The following SATB2 variants were observed in gnomAD, a reference collection of about 807,000 sequenced individuals.
SATB2 encodes the protein SATB homeobox 2.
Under a neutral mutation model 73.4 loss-of-function variants are expected in SATB2, and 1 was observed. That is an observed-to-expected ratio of 0.01 (90% confidence interval 0.00 to 0.06). The LOEUF (loss-of-function observed/expected upper bound fraction) is 0.06. Ranked by LOEUF, SATB2 falls within the 10% of genes least tolerant of loss-of-function variation. The probability of loss-of-function intolerance (pLI) is 1.00; values close to 1 mark genes in which losing one functional copy is unlikely to be tolerated. For synonymous variants in SATB2, 397 were observed against 367.0 expected (o/e 1.08, Z -0.93); for missense variants, 459 against 945.8 (o/e 0.49, Z 6.75).
chr2:199,342,426 T>C (rs1383221989), intron 7 of SATB2, among the ~76,000 whole-genome samples: 4 of 122,394 alleles, frequency 3.3e-5, no homozygotes, highest in Non-Finnish European at 5.3e-5. Context: ...AAAGACTAGC[T>C]AAAAAAAAAA....
At chr2:199,430,861 C>A (rs749719132) in intron 3 of SATB2, among the ~76,000 whole-genome samples, 10 of 152,180 alleles carry the variant, frequency 6.6e-5, no homozygotes, top group Non-Finnish European at 1.0e-4. Flanking sequence ...ACTCTTCCAA[C>A]TCAATTACTG....
At chr2:199,310,550 G>T (rs1687569212) in intron 9 of SATB2, among the ~76,000 whole-genome samples, 1 of 152,000 alleles carries the variant, frequency 6.6e-6, no homozygotes, top group Non-Finnish European at 1.5e-5. Flanking sequence ...TTCCTCAAGG[G>T]TTTCTTTGCA....
intron 10 of SATB2, among the ~76,000 whole-genome samples, chr2:199,291,685 G>A (rs906291134): frequency 6.6e-6 from 1 of 152,082 alleles, no homozygotes; most frequent in African/African-American, 2.4e-5. Context: ...GGCCGAGGCG[G>A]GTGGATCACC....
At chr2:199,327,189 C>T (rs941965511) in intron 8 of SATB2, among the ~76,000 whole-genome samples, 14 of 152,118 alleles carry the variant, frequency 9.2e-5, no homozygotes, top group African/African-American at 3.4e-4. Flanking sequence ...CCTGTAATCC[C>T]AGCACTTTGC....
At chr2:199,416,108 G>A (rs755928791) in intron 3 of SATB2, among the ~76,000 whole-genome samples, 4 of 152,124 alleles carry the variant, frequency 2.6e-5, no homozygotes, top group East Asian at 3.8e-4. Flanking sequence ...ACATTATTTC[G>A]CACAAGGACT....
At chr2:199,368,785 T>A in intron 5 of SATB2, 78 bp from the exon 6 acceptor site, 1 of 760,508 alleles carries the variant, frequency 1.3e-6, no homozygotes, top group Non-Finnish European at 2.2e-6. Context: ...CTTTATAACC[T>A]GCACTAACCT....
chr2:199,399,152 G>A (rs1363299956), intron 3 of SATB2, among the ~76,000 whole-genome samples: 1 of 152,144 alleles, frequency 6.6e-6, no homozygotes, highest in Non-Finnish European at 1.5e-5. Flanking sequence ...TGTACCTATA[G>A]TCCCATCTAC....
intron 10 of SATB2, among the ~76,000 whole-genome samples, chr2:199,276,112 G>A (rs1032636436): frequency 2.0e-5 from 3 of 152,140 alleles, no homozygotes; most frequent in Non-Finnish European, 2.9e-5. Flanking sequence ...ATACCATGTA[G>A]TACTTTATTC....
At chr2:199,319,198 C>T (rs1228214632) in intron 9 of SATB2, among the ~76,000 whole-genome samples, 1 of 152,144 alleles carries the variant, frequency 6.6e-6, no homozygotes, top group Non-Finnish European at 1.5e-5. Context: ...AATGGGATCA[C>T]AATTATGCCT....
At chr2:199,350,988 C>G (rs1230567853) in intron 6 of SATB2, among the ~76,000 whole-genome samples, 2 of 149,784 alleles carry the variant, frequency 1.3e-5, no homozygotes, top group African/African-American at 4.9e-5. Flanking sequence ...AGAAATCACA[C>G]CACTGCACTC....
chr2:199,381,676 A>G lies in SATB2; in HGVS notation c.473+18T>C. On this transcript the variant is annotated intron_variant, in intron 4 of 10. Coordinates refer to ENST00000417098, the MANE Select transcript of SATB2 (RefSeq NM_001172509.2). ...CAGCTCTGACAGTAAGGAAAAGCAG[A>G]TGTTCAGAAACACCCACCTTTGTAA... 1 of 1,613,912 alleles carries G rather than the reference A, an allele frequency of 6.2e-7. No homozygotes were observed. The highest frequency in any genetic ancestry group is 8.5e-7 in the Non-Finnish European group (1 of 1,179,832).
chr2:199,384,019 C>T (rs971427479), intron 3 of SATB2, among the ~76,000 whole-genome samples: 3 of 152,248 alleles, frequency 2.0e-5, no homozygotes, highest in Non-Finnish European at 4.4e-5. Context: ...AATATGCATA[C>T]ATTTTTGTAT....
intron 9 of SATB2, among the ~76,000 whole-genome samples, chr2:199,318,180 G>A (rs574786223): frequency 2.6e-5 from 4 of 152,030 alleles, no homozygotes; most frequent in South Asian, 4.1e-4. Context: ...CTTTTACACA[G>A]GGTATCTTAT....
At chr2:199,318,327 G>A (rs1687791401) in intron 9 of SATB2, among the ~76,000 whole-genome samples, 1 of 151,984 alleles carries the variant, frequency 6.6e-6, no homozygotes, top group Admixed American at 6.6e-5. Flanking sequence ...CAACATTAAA[G>A]CACTTTTTGT....
chr2:199,354,808 A>G (rs1314637919), intron 6 of SATB2, among the ~76,000 whole-genome samples: 1 of 152,136 alleles, frequency 6.6e-6, no homozygotes, highest in East Asian at 1.9e-4. Context: ...CTGGGATTCC[A>G]TTTAACTCTA....
rs1688104080 is a variant in SATB2, at chr2:199,328,791, G to A, written c.1293C>T (p.Arg431=). Residue 431 remains arginine (R), a synonymous_variant, in exon 8 of 11, where the codon CGC becomes CGT. Coordinates refer to ENST00000417098, the MANE Select transcript of SATB2 (RefSeq NM_001172509.2). ...TCCGCTCCCTCTCATCCTGGTAGAT[G>A]CGATCTCGCTCCACTTCTGGCAGAT... The part of the protein sequence containing the change: ...FLNLPEVERD[R]IYQDERERSM... 6.2e-7 allele frequency: 1 copy of A among 1,614,030 alleles called. No homozygotes were observed. The highest frequency in any genetic ancestry group is 8.5e-7 in the Non-Finnish European group (1 of 1,179,954).
At chr2:199,408,174 C>A (rs1353245131) in intron 3 of SATB2, among the ~76,000 whole-genome samples, 1 of 152,174 alleles carries the variant, frequency 6.6e-6, no homozygotes, top group Non-Finnish European at 1.5e-5. Context: ...CAACATTTTA[C>A]CAATGATTTG....
intron 3 of SATB2, among the ~76,000 whole-genome samples, chr2:199,404,121 T>G (rs1440031284): frequency 6.6e-6 from 1 of 152,210 alleles, no homozygotes; most frequent in African/African-American, 2.4e-5. Context: ...AGGAAGACTC[T>G]CAGATACCCA....
intron 7 of SATB2, among the ~76,000 whole-genome samples, chr2:199,345,704 G>A (rs796844441): frequency 8.5e-5 from 13 of 152,216 alleles, no homozygotes; most frequent in African/African-American, 3.1e-4. Flanking sequence ...CAGCAGCCTA[G>A]TTCAAAACCT....
Sources: allele counts gnomAD v4.1 joint callset (sites outside exome capture counted in the v4.1 genomes callset), GRCh38; gene constraint gnomAD v4.1.1; transcripts MANE v1.5; gene names NCBI Gene and HGNC (gene_info 2026-07-23, HGNC 2026-07-21).